GLT1D1: variants seen among roughly 807,000 people sequenced by gnomAD.
GLT1D1 encodes glycosyltransferase 1 domain-containing protein 1.
GLT1D1 carries 21 observed loss-of-function variants against 28.7 expected under a neutral mutation model. That is an observed-to-expected ratio of 0.73 (90% confidence interval 0.52 to 1.05). The LOEUF (loss-of-function observed/expected upper bound fraction) is 1.05, where lower values mean the gene tolerates loss of function less well. GLT1D1 is among the 50% of genes least tolerant of loss of function. The pLI, the probability that GLT1D1 is intolerant of heterozygous loss-of-function variation, is 0.00. For synonymous variants in GLT1D1, 147 were observed against 124.8 expected (o/e 1.18, Z -1.19); for missense variants, 343 against 330.6 (o/e 1.04, Z -0.29).
chr12:128,958,440 G>A lies in GLT1D1; in HGVS notation c.639+797G>A, dbSNP rs557494009. ...TCAGTAAACACGGATATTATCAAAAGGGAAGGTGTTGGCTGGGTGCAGTGG... is the reference window on the plus strand; with the variant it reads ...TCAGTAAACACGGATATTATCAAAAAGGAAGGTGTTGGCTGGGTGCAGTGG... On this transcript the variant is annotated intron_variant, in intron 7 of 7. Transcript: ENST00000281703. Among the ~76,000 whole-genome samples, 35 of 152,126 alleles carry A rather than the reference G, an allele frequency of 2.3e-4. No individual in the cohort carries two copies. The South Asian group carries it at 5.4e-3, about 23-fold the overall frequency.
chr12:128,955,985 C>T (rs1877231855), intron 6 of GLT1D1, among the ~76,000 whole-genome samples: 1 of 151,214 alleles, frequency 6.6e-6, no homozygotes, highest in Admixed American at 6.6e-5. Flanking sequence ...CAGTGAAACC[C>T]CATCTCTACT....
intron 7 of GLT1D1, among the ~76,000 whole-genome samples, chr12:128,964,696 A>G (rs576156014): frequency 8.8e-4 from 134 of 152,324 alleles, no homozygotes; most frequent in Middle Eastern, 6.8e-3. Flanking sequence ...TGTCAGAGCC[A>G]GACCTGGAGA....
At chr12:128,880,983 G>GAAGGCTGAGGCAGGCA (rs1957017403) in intron 2 of GLT1D1, among the ~76,000 whole-genome samples, 1 of 151,988 alleles carries the variant, frequency 6.6e-6, no homozygotes, top group South Asian at 2.1e-4. Context: ...CCAGCACTTT[G>GAAGGCTGAGGCAGGCA]GGTGGTGGAG....
chr12:128,909,367 A>G lies in GLT1D1; in HGVS notation c.375+10080A>G, dbSNP rs553300878. Among the ~76,000 whole-genome samples, 11 of 152,156 alleles carry G rather than the reference A, an allele frequency of 7.2e-5. 1 individual carries two copies. The East Asian group carries it at 2.1e-3, about 29-fold the overall frequency. The stretch of plus-strand genomic sequence containing the variant: ...CACGATAACAGATTTCTAAGGGAAA[A>G]GAGTAGAGGGAGGAAAAAAGACACT... On this transcript the variant is annotated intron_variant, in intron 4 of 7. Transcript: ENST00000281703.
intron 7 of GLT1D1, among the ~76,000 whole-genome samples, chr12:128,960,601 ATGAAAATGAGCCAGG>A (rs1207483520): frequency 6.6e-6 from 1 of 152,064 alleles, no homozygotes; most frequent in Non-Finnish European, 1.5e-5. Flanking sequence ...TACTAAAAAT[ATGAAAATGAGCCAGG>A]TGTGGTGGTG....
intron 1 of GLT1D1, among the ~76,000 whole-genome samples, chr12:128,869,427 C>A (rs1487352438): frequency 6.6e-6 from 1 of 152,132 alleles, no homozygotes; most frequent in Non-Finnish European, 1.5e-5. Flanking sequence ...GTCTTGGCCT[C>A]CTAAAGTGCT....
At chr12:128,891,015 A>C (rs972317564) in intron 3 of GLT1D1, among the ~76,000 whole-genome samples, 1 of 151,946 alleles carries the variant, frequency 6.6e-6, no homozygotes, top group Non-Finnish European at 1.5e-5. Flanking sequence ...AAACAACAGC[A>C]ACAACAACAA....
intron 7 of GLT1D1, among the ~76,000 whole-genome samples, chr12:128,981,564 A>G (rs1196008888): frequency 6.6e-6 from 1 of 152,252 alleles, no homozygotes; most frequent in African/African-American, 2.4e-5. Context: ...TGTACGATAA[A>G]TATTGCTATT....
chr12:128,958,353 G>A (rs1385448692), intron 7 of GLT1D1, among the ~76,000 whole-genome samples: 2 of 152,162 alleles, frequency 1.3e-5, no homozygotes, highest in African/African-American at 4.8e-5. Context: ...TCTTAGAGTT[G>A]TGACATGCGC....
intron 1 of GLT1D1, among the ~76,000 whole-genome samples, chr12:128,866,733 G>T (rs1956535184): frequency 6.6e-6 from 1 of 150,910 alleles, no homozygotes; most frequent in Non-Finnish European, 1.5e-5. Context: ...CGATTCTCCT[G>T]CCTCAGCCTC....
intron 7 of GLT1D1, among the ~76,000 whole-genome samples, chr12:128,975,024 G>T (rs949902779): frequency 2.7e-5 from 4 of 145,802 alleles, no homozygotes; most frequent in Non-Finnish European, 6.2e-5. Context: ...GCTTTCCTTT[G>T]TTTAGTGCCC....
rs1566105658 is a variant in GLT1D1, at chr12:128,888,704, G to C, written c.283G>C (p.Glu95Gln). The change falls in exon 3 of 8, where the codon GAA becomes CAA. Residue 95 changes from glutamate to glutamine, a missense_variant. Physicochemically the swap from Glu to Gln is conservative, Grantham distance 29 (BLOSUM62 2). Transcript: ENST00000281703. ...TGTAAATGAAGATGCCAACCAGGCG[G>C]AAAAAAACACAGTCATGGGCAGAGT... The C allele has an allele frequency of 1.2e-6, 2 of 1,613,462 alleles. No homozygotes were observed. The highest frequency in any genetic ancestry group is 2.7e-5 in the African/African-American group (2 of 74,844).
chr12:128,941,905 CTTTTTTT>C (rs60663875), intron 4 of GLT1D1, among the ~76,000 whole-genome samples: 89 of 75,370 alleles, frequency 1.2e-3, no homozygotes, highest in Non-Finnish European at 1.8e-3. Flanking sequence ...CTCTCTCTCT[CTTTTTTT>C]TTTTTTTTTT....
chr12:128,918,013 G>C (rs1189924284), intron 4 of GLT1D1, among the ~76,000 whole-genome samples: 3 of 152,182 alleles, frequency 2.0e-5, no homozygotes, highest in Non-Finnish European at 4.4e-5. Context: ...GCACGTGTAT[G>C]TTCATTGCAG....
Position 128,892,716 on chromosome 12 carries a change from G to A in GLT1D1, c.323+3972G>A, listed in dbSNP as rs554834172. On this transcript the variant is annotated intron_variant, in intron 3 of 7. Coordinates refer to ENST00000281703, the MANE Select transcript of GLT1D1 (RefSeq NM_144669.3). ...ATGAGTATTTCATTTTTAATCAAATGTTTTTAAATAGTTATATTTTTCCTA... is the reference window on the plus strand; with the variant it reads ...ATGAGTATTTCATTTTTAATCAAATATTTTTAAATAGTTATATTTTTCCTA... Among the ~76,000 whole-genome samples, 34 of 151,866 alleles carry A rather than the reference G, an allele frequency of 2.2e-4. No homozygotes were observed. In the East Asian group the frequency reaches 6.4e-3, roughly 29 times the overall value.
intron 1 of GLT1D1, among the ~76,000 whole-genome samples, chr12:128,874,150 CTTT>C (rs1566091626): frequency 8.2e-6 from 1 of 121,344 alleles, no homozygotes; most frequent in African/African-American, 3.2e-5. Flanking sequence ...TTCTTTCTTT[CTTT>C]CTTTCTTTCT....
At chr12:128,940,441 G>A (rs751150937) in intron 4 of GLT1D1, among the ~76,000 whole-genome samples, 10 of 152,184 alleles carry the variant, frequency 6.6e-5, no homozygotes, top group Non-Finnish European at 1.2e-4. Context: ...CTGACACGCA[G>A]AGAGGTCCGT....
chr12:128,866,912 C>T (rs1028258557), intron 1 of GLT1D1, among the ~76,000 whole-genome samples: 5 of 151,946 alleles, frequency 3.3e-5, no homozygotes, highest in South Asian at 4.2e-4. Context: ...TGAGCCACTG[C>T]GCCAGCCACC....
intron 7 of GLT1D1, among the ~76,000 whole-genome samples, chr12:128,981,169 T>C (rs1037062722): frequency 1.3e-5 from 2 of 152,348 alleles, no homozygotes; most frequent in Non-Finnish European, 2.9e-5. Context: ...CGTTGCTTAC[T>C]CATAACCCCC....
Sources: allele counts gnomAD v4.1 joint callset (sites outside exome capture counted in the v4.1 genomes callset), GRCh38; gene constraint gnomAD v4.1.1; transcripts MANE v1.5; gene names NCBI Gene and HGNC (gene_info 2026-07-23, HGNC 2026-07-21).